The following GMIP variants were observed in gnomAD, a reference collection of about 807,000 sequenced individuals.
The protein encoded by GMIP is GEM-interacting protein.
A neutral mutation model predicts 105.3 loss-of-function variants in GMIP; 54 were observed. The ratio of observed to expected loss-of-function variants is 0.51; its 90% confidence interval spans 0.41 to 0.64. The LOEUF is 0.64. Among genes scored for constraint, GMIP ranks in the 30% least tolerant of loss-of-function variants. The probability of loss-of-function intolerance (pLI) is 0.00; values close to 1 mark genes in which losing one functional copy is unlikely to be tolerated. For missense variants in GMIP, 1,110 were observed against 1,319.4 expected, an observed-to-expected ratio of 0.84 and a Z score of 2.46; for synonymous variants, 541 against 560.8, an observed-to-expected ratio of 0.96 and a Z score of 0.50.
Position 19,637,376 on chromosome 19 carries a change from G to T in GMIP, c.1113C>A (p.Pro371=). The change falls in exon 11 of 21, where the codon CCC becomes CCA. Residue 371 remains proline, a synonymous_variant. Coordinates refer to ENST00000203556, the MANE Select transcript of GMIP (RefSeq NM_016573.4). This position sits in a 1 kb window ranked among gnomAD's most constrained non-coding sequence, Gnocchi z 6.7. ...PPAFSFQEFL[P]SLNSSPLDIR... ...CTCCAGTGACCCACCTGTTCAAGGA[G>T]GGAAGGAACTCCTGGAAGGAGAAGG... 6.6e-7 allele frequency: 1 copy of T among 1,506,224 alleles called. No individual in the cohort carries two copies. The highest frequency in any genetic ancestry group is 8.8e-7 in the Non-Finnish European group (1 of 1,133,654). 93.3% of individuals were successfully genotyped at this position (1,506,224 alleles called of 1,614,324 possible).
At position 19,637,924 on chromosome 19, in the gene GMIP, C is replaced by A; in HGVS notation, c.923G>T (p.Arg308Met). 3.1e-6 allele frequency: 5 copies of A among 1,602,068 alleles called. No homozygotes were observed. The highest frequency in any genetic ancestry group is 4.3e-6 in the Non-Finnish European group (5 of 1,174,818). Residue 308 changes from arginine to methionine, a missense_variant, in exon 10 of 21, where the codon AGG (arginine) becomes ATG (methionine). By Grantham distance (91) the Arg-to-Met change is moderately conservative. Transcript: ENST00000203556. This position sits in a 1 kb window ranked among gnomAD's most constrained non-coding sequence, Gnocchi z 6.7. ...KLVFQGDEVL[R>M]RVTLSLFGLR... ...GGCCTTGGGGATGGGCCTCACCCGC[C>A]TCAGCACTTCATCCCCCTGAAACAC...
At chr19:19,641,890 T>A (rs1426745359) in intron 3 of GMIP, 23 bp from the exon 4 acceptor site, 1 of 1,613,104 alleles carries the variant, frequency 6.2e-7, no homozygotes, top group Non-Finnish European at 8.5e-7. Context: ...GAGACAGTAT[T>A]CAGAAGCAAA....
At position 19,637,423 on chromosome 19, in the gene GMIP, C is replaced by T. The variant is rs756360597; in HGVS notation, c.1066G>A (p.Ala356Thr). Residue 356 changes from alanine to threonine, a missense_variant, in exon 11 of 21, where the codon GCC becomes ACC. Ala to Thr is a moderately conservative substitution (Grantham distance 58). Around this residue, in one of 3 missense-constraint regions of GMIP, gnomAD observed 667 missense variants for 773.2 expected, o/e 0.86. Coordinates refer to ENST00000203556, the MANE Select transcript of GMIP (RefSeq NM_016573.4). The surrounding 1 kb of genome is among the most constrained non-coding windows in gnomAD (Gnocchi z 6.7). ...QEFVRALRPE[A>T]PPPPPPAFSF... is the part of the protein sequence containing the mutation. Reference sequence around the variant, plus strand: ...AAGGCGGGCGGCGGGGGCGGCGGGGCCTCGGGCCGCAGCGCCCGTACAAAC... The same window carrying T: ...AAGGCGGGCGGCGGGGGCGGCGGGGTCTCGGGCCGCAGCGCCCGTACAAAC... 41 of 1,494,094 alleles carry T rather than the reference C, an allele frequency of 2.7e-5. 1 individual carries two copies. In the East Asian group the frequency reaches 1.0e-3, roughly 38 times the overall value. 92.6% of individuals were successfully genotyped at this position (1,494,094 alleles called of 1,614,324 possible). A position where few individuals can be genotyped will look rare whatever the true frequency, so the allele number is the denominator to read the frequency against.
intron 4 of GMIP, among the ~76,000 whole-genome samples, chr19:19,641,596 G>T (rs1191673581): frequency 6.6e-6 from 1 of 152,182 alleles, no homozygotes; most frequent in Non-Finnish European, 1.5e-5. Flanking sequence ...CTGTTGCCCA[G>T]CATGGTCACG....
rs1263803844 is a variant in GMIP at position 19,637,002 on chromosome 19, G to A, written c.1152C>T (p.Leu384=). 6.3e-7 allele frequency: 1 copy of A among 1,576,460 alleles called. No individual in the cohort carries two copies. The highest frequency in any genetic ancestry group is 8.6e-7 in the Non-Finnish European group (1 of 1,159,826). ...NSSPLDIRKK[L]SGPLPPRLDE... is the part of the protein sequence containing the mutation. The stretch of plus-strand genomic sequence containing the variant: ...CCAGCCTTGGAGGAAGAGGCCCAGA[G>A]AGCTTCTTTCTGATGTCCAGAGGGG... The change falls in exon 12 of 21, where the codon CTC becomes CTT. Residue 384 remains leucine (L), a synonymous_variant. Transcript: ENST00000203556. The surrounding 1 kb of genome is among the most constrained non-coding windows in gnomAD (Gnocchi z 6.7).
In GMIP at chr19:19,636,724, G is replaced by T; in HGVS notation, c.1310C>A (p.Ser437Ter). The T allele has an allele frequency of 6.2e-7, 1 of 1,613,120 alleles. No individual in the cohort carries two copies. Among genetic ancestry groups the T allele is most frequent in the Non-Finnish European group, 8.5e-7 (1 of 1,179,456 alleles). The part of the protein sequence containing the change: ...GGGSESRSLD[S>*]PTSSPGAGTR... ...ATCCCTACCTGGGCTGGAAGTGGGT[G>T]AGTCCAGGGACCGAGACTCGCTGCC... The change falls in exon 13 of 21, where the codon TCA becomes TAA. Residue 437 changes from serine (S) to a stop codon, truncating the protein, a stop_gained. Coordinates refer to ENST00000203556, the MANE Select transcript of GMIP (RefSeq NM_016573.4). LOFTEE classifies it high-confidence loss of function.
intron 19 of GMIP, among the ~76,000 whole-genome samples, chr19:19,632,523 A>G (rs1169073889): frequency 6.6e-6 from 1 of 152,042 alleles, no homozygotes; most frequent in African/African-American, 2.4e-5. Context: ...ACACAGTGAG[A>G]TTCTGTCTCC....
intron 1 of GMIP, 51 bp downstream of exon 1, chr19:19,643,460 G>A (rs1308337436): frequency 6.7e-7 from 1 of 1,494,786 alleles, no homozygotes; most frequent in Non-Finnish European, 9.1e-7. Flanking sequence ...CCTCAATGTA[G>A]GAAGCAGGGG....
chr19:19,640,654 GC>G, intron 4 of GMIP, 83 bp from the exon 5 acceptor site: 1 of 1,419,666 alleles, frequency 7.0e-7, no homozygotes, highest in Non-Finnish European at 9.8e-7. Flanking sequence ...CAGCCCAGTG[GC>G]ACCTGTCCTA....
Position 19,634,872 on chromosome 19 carries a change from C to G in GMIP, c.1807G>C (p.Glu603Gln). The change falls in exon 17 of 21, where the codon GAG (glutamate) becomes CAG (glutamine). Residue 603 changes from glutamate (E) to glutamine (Q), a missense_variant. Physicochemically the swap from Glu to Gln is conservative, Grantham distance 29 (BLOSUM62 2). This residue lies in a region of GMIP where 49 missense variants were observed against 95.6 expected (regional missense o/e 0.51). Coordinates refer to ENST00000203556, the MANE Select transcript of GMIP (RefSeq NM_016573.4). This position sits in a 1 kb window ranked among gnomAD's most constrained non-coding sequence, Gnocchi z 6.1. ...VRVERLCQAF[E>Q]NGRALVELSG... is the part of the protein sequence containing the mutation. ...AGCTCCACCAACGCTCGGCCATTCT[C>G]GAAAGCCTGGCACAGCCGCTCCACA... is the stretch of plus-strand genomic sequence containing the variant. 1 of 1,614,030 alleles carries G rather than the reference C, an allele frequency of 6.2e-7. No individual in the cohort carries two copies. The highest frequency in any genetic ancestry group is 1.1e-5 in the South Asian group (1 of 91,082).
chr19:19,640,023 A>G (rs1045203492), intron 7 of GMIP, 62 bp downstream of exon 7: 3 of 913,848 alleles, frequency 3.3e-6, no homozygotes, highest in Admixed American at 3.9e-5. Context: ...CGAGGGGATC[A>G]GGCCTGAAGG....
In GMIP at chr19:19,630,353, T is replaced by TGGTC; in HGVS notation, c.2540-21_2540-18dup. On this transcript the variant is annotated splice_polypyrimidine_tract_variant and intron_variant, in intron 20 of 20. Transcript: ENST00000203556. This position sits in a 1 kb window ranked among gnomAD's most constrained non-coding sequence, Gnocchi z 4.8. ...GGCTGGACACTGTGTACGGGGTGGG[T>TGGTC]GGTCAGTGCAGAGCACCTCCAAGTT... 6.5e-7 allele frequency: 1 copy of TGGTC among 1,545,394 alleles called. No individual in the cohort carries two copies. Among genetic ancestry groups the TGGTC allele is most frequent in the Non-Finnish European group, 8.7e-7 (1 of 1,146,572 alleles).
chr19:19,631,414 T>C (rs1281275131), intron 19 of GMIP, among the ~76,000 whole-genome samples: 1 of 152,152 alleles, frequency 6.6e-6, no homozygotes, highest in Non-Finnish European at 1.5e-5. Context: ...TACTGTTCCA[T>C]CCTTAGCTAA....
rs761249410 is a variant in GMIP, at chr19:19,634,121, C to A, written c.2154G>T (p.Leu718=). The A allele has an allele frequency of 1.1e-5, 18 of 1,612,114 alleles. No homozygotes were observed. Among genetic ancestry groups the A allele is most frequent in the South Asian group, 9.9e-5 (9 of 90,990 alleles). ...CCCGCGGGCCGTCCGGCGGCCGCAG[C>A]AGTGTCGGCCCAAACACAATGCCCA... is the stretch of plus-strand genomic sequence containing the variant. The part of the protein sequence containing the change: ...NNLGIVFGPT[L]LRPPDGPRAA... The change falls in exon 19 of 21, where the codon CTG becomes CTT. Residue 718 remains leucine (L), a synonymous_variant. Coordinates refer to ENST00000203556, the MANE Select transcript of GMIP (RefSeq NM_016573.4). This position sits in a 1 kb window ranked among gnomAD's most constrained non-coding sequence, Gnocchi z 6.1.
Position 19,634,817 on chromosome 19 carries a change from C to T in GMIP, c.1862G>A (p.Ser621Asn), listed in dbSNP as rs774377025. 6.2e-6 allele frequency: 10 copies of T among 1,613,802 alleles called. No individual in the cohort carries two copies. The Admixed American group carries it at 1.5e-4, about 24-fold the overall frequency. Residue 621 changes from serine (S) to asparagine (N), a missense_variant, in exon 17 of 21, where the codon AGT (serine) becomes AAT (asparagine). Physicochemically the swap from Ser to Asn is conservative, Grantham distance 46. This residue lies in a region of GMIP where 49 missense variants were observed against 95.6 expected (regional missense o/e 0.51). Coordinates refer to ENST00000203556, the MANE Select transcript of GMIP (RefSeq NM_016573.4). The surrounding 1 kb of genome is among the most constrained non-coding windows in gnomAD (Gnocchi z 6.1). ...LSGNSPHDVS[S>N]VLKRFLQELT... ...CTCCTGAAGAAATCGCTTGAGGACA[C>T]TCGAGACGTCATGAGGCGAGTTCCC...
At position 19,640,502 on chromosome 19, in the gene GMIP, G is replaced by A. The variant is rs751402180; in HGVS notation, c.308C>T (p.Thr103Ile). 2 of 1,613,954 alleles carry A rather than the reference G, an allele frequency of 1.2e-6. No homozygotes were observed. Among genetic ancestry groups the A allele is most frequent in the African/African-American group, 1.3e-5 (1 of 74,908 alleles). Reference protein sequence around the residue: ...GVDAALEYAKTWSRYAKELLA... With the variant: ...GVDAALEYAKIWSRYAKELLA... Reference sequence around the variant, plus strand: ...CAGTTCCTTGGCATAGCGGCTCCAGGTCTTGGCATATTCCAGGGCTGCGTC... The same window carrying A: ...CAGTTCCTTGGCATAGCGGCTCCAGATCTTGGCATATTCCAGGGCTGCGTC... The change falls in exon 5 of 21, where the codon ACC becomes ATC. Residue 103 changes from threonine to isoleucine, a missense_variant. Around this residue, in one of 3 missense-constraint regions of GMIP, gnomAD observed 667 missense variants for 773.2 expected, o/e 0.86. Coordinates refer to ENST00000203556, the MANE Select transcript of GMIP (RefSeq NM_016573.4).
intron 4 of GMIP, among the ~76,000 whole-genome samples, chr19:19,641,532 C>A (rs1321209527): frequency 6.6e-6 from 1 of 152,198 alleles, no homozygotes; most frequent in Non-Finnish European, 1.5e-5. Flanking sequence ...GCACACACCA[C>A]CACACCCAGC....
At chr19:19,631,536 A>G (rs565554943) in intron 19 of GMIP, among the ~76,000 whole-genome samples, 1 of 152,344 alleles carries the variant, frequency 6.6e-6, no homozygotes, top group African/African-American at 2.4e-5. Context: ...GGGCTGCTGC[A>G]GGAGAGATCC....
chr19:19,638,091 C>T (rs1359152791), intron 9 of GMIP, 34 bp from the exon 10 acceptor site: 1 of 1,542,124 alleles, frequency 6.5e-7, no homozygotes, highest in East Asian at 2.4e-5. Context: ...CGGGGTGGGG[C>T]GCGTGTGGGC....
Sources: gnomAD v4.1 joint callset for allele counts (sites outside exome capture counted in the v4.1 genomes callset) on GRCh38, gnomAD v4.1.1 for gene constraint, gnomAD v4.1.1 regional missense constraint, Gnocchi (gnomAD v3.1) non-coding constraint, MANE v1.5 for transcripts, NCBI Gene and HGNC (gene_info 2026-07-23, HGNC 2026-07-21) for gene names.